PPM1B: variants seen among roughly 807,000 people sequenced by gnomAD.
PPM1B encodes the protein protein phosphatase 1B.
Under a neutral mutation model 43.0 loss-of-function variants are expected in PPM1B, and 22 were observed. The ratio of observed to expected loss-of-function variants is 0.51; its 90% CI spans 0.37 to 0.73. The LOEUF is 0.73. Among genes scored for constraint, PPM1B ranks in the 30% least tolerant of loss-of-function variants. The probability of loss-of-function intolerance (pLI) is 0.00; values close to 1 mark genes in which losing one functional copy is unlikely to be tolerated. For missense variants in PPM1B, 632 were observed against 584.2 expected (o/e 1.08, Z -0.84); for synonymous variants, 217 against 197.9 (o/e 1.10, Z -0.81).
At chr2:44,174,694 G>A (rs1237160953) in intron 1 of PPM1B, among the ~76,000 whole-genome samples, 1 of 152,202 alleles carries the variant, frequency 6.6e-6, no homozygotes, top group Admixed American at 6.5e-5. Context: ...CTTGCGAAGC[G>A]CTTTTAAGCC....
intron 1 of PPM1B, among the ~76,000 whole-genome samples, chr2:44,182,578 A>T (rs1333816235): frequency 6.6e-6 from 1 of 152,146 alleles, no homozygotes. Context: ...GTAATTTATA[A>T]TTACTTTGTT....
chr2:44,190,382 C>G lies in PPM1B; in HGVS notation c.-14-10804C>G, dbSNP rs145267088. On this transcript the variant is annotated intron_variant, in intron 1 of 5. Coordinates refer to ENST00000282412, the MANE Select transcript of PPM1B (RefSeq NM_002706.6). ...CCATGTTGGCCAGGCTGGTCTCAAA[C>G]TCTTGAAGTCACGTGATCTGCCCGT... is the stretch of plus-strand genomic sequence containing the variant. Among the ~76,000 whole-genome samples the G allele has an allele frequency of 8.1e-3, 1,231 of 152,268 alleles. 10 individuals are homozygous for G. Among genetic ancestry groups the G allele is most frequent in the Non-Finnish European group, 0.013 (918 of 68,040 alleles).
intron 5 of PPM1B, among the ~76,000 whole-genome samples, chr2:44,240,494 T>C (rs1156797735): frequency 6.8e-6 from 1 of 146,026 alleles, no homozygotes; most frequent in African/African-American, 2.5e-5. Context: ...GAGTAGATTC[T>C]GTCTTATTTA....
downstream of PPM1B, among the ~76,000 whole-genome samples, chr2:44,246,217 T>C (rs187837994): frequency 6.6e-6 from 1 of 152,338 alleles, no homozygotes. Flanking sequence ...TCATTAATAC[T>C]TTTCTGTTCT....
downstream of PPM1B, among the ~76,000 whole-genome samples, chr2:44,234,888 A>G (rs940930704): frequency 4.6e-5 from 7 of 152,216 alleles, no homozygotes; most frequent in Admixed American, 1.3e-4. Context: ...TTCAGTGTAA[A>G]AAGGACCATT....
chr2:44,211,657 A>ATTAAGATT (rs1669471930), intron 3 of PPM1B, among the ~76,000 whole-genome samples: 1 of 151,614 alleles, frequency 6.6e-6, no homozygotes, highest in South Asian at 2.1e-4. Context: ...CCTATTGCTC[A>ATTAAGATT]TTAAGATTTT....
At chr2:44,220,168 A>C (rs1235710664) in intron 5 of PPM1B, among the ~76,000 whole-genome samples, 1 of 152,032 alleles carries the variant, frequency 6.6e-6, no homozygotes, top group Admixed American at 6.6e-5. Flanking sequence ...ATAAGCCCTC[A>C]GAAGACAGTT....
chr2:44,192,190 G>GTTATTGTATT (rs1553329837), intron 1 of PPM1B, among the ~76,000 whole-genome samples: 2 of 143,542 alleles, frequency 1.4e-5, no homozygotes, highest in African/African-American at 5.3e-5. Context: ...GTTATGTTAT[G>GTTATTGTATT]GTATTGTATT....
chr2:44,208,874 G>A (rs115209274), intron 2 of PPM1B, among the ~76,000 whole-genome samples: 2,393 of 152,296 alleles, frequency 0.016, 22 homozygotes, highest in Middle Eastern at 0.027. Flanking sequence ...ATCCATTGTG[G>A]ACTTAAGCCA....
At chr2:44,196,592 G>C (rs1668674808) in intron 1 of PPM1B, among the ~76,000 whole-genome samples, 1 of 152,062 alleles carries the variant, frequency 6.6e-6, no homozygotes, top group African/African-American at 2.4e-5. Context: ...AGTTGTGCTT[G>C]ACCTATTTGA....
chr2:44,192,611 G>A (rs1407968863), intron 1 of PPM1B, among the ~76,000 whole-genome samples: 2 of 152,192 alleles, frequency 1.3e-5, no homozygotes, highest in African/African-American at 2.4e-5. Context: ...TGTATGCAGT[G>A]TAAAATGATT....
intron 1 of PPM1B, among the ~76,000 whole-genome samples, chr2:44,174,434 A>T (rs771317519): frequency 7.9e-5 from 12 of 152,178 alleles, no homozygotes; most frequent in Non-Finnish European, 1.2e-4. Flanking sequence ...TGTCTCTAGG[A>T]TTGCTGTGAT....
chr2:44,244,885 T>A (rs1670828405), downstream of PPM1B, among the ~76,000 whole-genome samples: 1 of 150,384 alleles, frequency 6.6e-6, no homozygotes, highest in Non-Finnish European at 1.5e-5. Context: ...TCTATGTGTA[T>A]ATATATACAT....
chr2:44,207,689 C>T (rs1669252815), intron 2 of PPM1B, among the ~76,000 whole-genome samples: 1 of 151,638 alleles, frequency 6.6e-6, no homozygotes, highest in African/African-American at 2.4e-5. Context: ...GATCCTTCCA[C>T]CTTAGCCTCC....
intron 3 of PPM1B, among the ~76,000 whole-genome samples, chr2:44,212,894 T>A (rs7602283): frequency 0.55 from 83,467 of 151,266 alleles, 23,698 homozygotes; most frequent in Admixed American, 0.66. Flanking sequence ...GCGCCTGTAG[T>A]CCCAGCTACT....
intron 5 of PPM1B, among the ~76,000 whole-genome samples, chr2:44,228,187 C>T (rs1167840538): frequency 3.5e-5 from 4 of 115,166 alleles, no homozygotes; most frequent in African/African-American, 6.6e-5. Context: ...CTAACAAGCC[C>T]TTTTTTTTTT....
rs201676188 is a variant in PPM1B, at chr2:44,218,529, A to G, written c.1126A>G (p.Ser376Gly). 4.4e-6 allele frequency: 7 copies of G among 1,582,536 alleles called. No individual in the cohort carries two copies. In the East Asian group the frequency reaches 9.0e-5, roughly 20 times the overall value. The stretch of plus-strand genomic sequence containing the variant: ...TAGTAGACTGAATCCACATAGAGAA[A>G]GTGATGGGGTAAGTTTTATTTTATT... The part of the protein sequence containing the change: ...VYSRLNPHRE[S>G]DGASDEAEES... The change falls in exon 5 of 6, where the codon AGT (serine) becomes GGT (glycine). Residue 376 changes from serine to glycine, a missense_variant. Ser to Gly is a moderately conservative substitution (Grantham distance 56). Around this residue, in one of 3 missense-constraint regions of PPM1B, gnomAD observed 392 missense variants for 302.7 expected, o/e 1.29. Coordinates refer to ENST00000282412, the MANE Select transcript of PPM1B (RefSeq NM_002706.6).
chr2:44,196,683 GT>G (rs1470726675), intron 1 of PPM1B, among the ~76,000 whole-genome samples: 3 of 152,084 alleles, frequency 2.0e-5, no homozygotes, highest in African/African-American at 7.2e-5. Flanking sequence ...TACGTATTCA[GT>G]CCTTTATTTT....
chr2:44,233,130 T>G (rs896188755), downstream of PPM1B: 4 of 978,474 alleles, frequency 4.1e-6, no homozygotes, highest in African/African-American at 1.8e-5. Context: ...TAATGTAAAT[T>G]GTGATTTTTG....
Sources: gnomAD v4.1 joint callset for allele counts (sites outside exome capture counted in the v4.1 genomes callset) on GRCh38, gnomAD v4.1.1 for gene constraint, gnomAD v4.1.1 regional missense constraint, MANE v1.5 for transcripts, NCBI Gene and HGNC (gene_info 2026-07-23, HGNC 2026-07-21) for gene names.